The following MED27 variants were observed in gnomAD, a reference collection of about 807,000 sequenced individuals.
MED27 encodes mediator of RNA polymerase II transcription subunit 27.
MED27 carries 30 observed loss-of-function variants against 38.2 expected under a neutral mutation model. The observed-to-expected ratio is 0.79, with a 90% CI of 0.59 to 1.07. MED27 has a LOEUF of 1.07. MED27 is among the 50% of genes least tolerant of loss of function. MED27 has a pLI of 0.00. For synonymous variants in MED27, 122 were observed against 153.5 expected (o/e 0.79, Z 1.52); for missense variants, 289 against 397.5 (o/e 0.73, Z 2.32).
At chr9:132,042,297 C>CAT (rs1335738199) in intron 2 of MED27, among the ~76,000 whole-genome samples, 1 of 152,234 alleles carries the variant, frequency 6.6e-6, no homozygotes, top group African/African-American at 2.4e-5. Context: ...TTCACTGAAA[C>CAT]AGTCTCATGG....
intron 4 of MED27, among the ~76,000 whole-genome samples, chr9:131,903,999 A>G (rs1429002145): frequency 6.6e-6 from 1 of 151,680 alleles, no homozygotes; most frequent in Admixed American, 6.6e-5. Flanking sequence ...CCCGGGTTCA[A>G]GTGATTCTCC....
chr9:131,910,191 C>T (rs1564279927), intron 4 of MED27, among the ~76,000 whole-genome samples: 1 of 152,156 alleles, frequency 6.6e-6, no homozygotes, highest in African/African-American at 2.4e-5. Flanking sequence ...ACCACCTCTA[C>T]CCCTATATTT....
At chr9:131,939,828 G>GCT (rs1291312806) in intron 3 of MED27, among the ~76,000 whole-genome samples, 1 of 151,962 alleles carries the variant, frequency 6.6e-6, no homozygotes, top group East Asian at 1.9e-4. Flanking sequence ...GCACCTCCGG[G>GCT]CTGTCTCACT....
intron 4 of MED27, among the ~76,000 whole-genome samples, chr9:131,923,615 T>C (rs571699530): frequency 4.1e-4 from 62 of 152,318 alleles, no homozygotes; most frequent in African/African-American, 1.4e-3. Context: ...ATTTACTTTT[T>C]CAAGTATGTG....
intron 4 of MED27, among the ~76,000 whole-genome samples, chr9:131,912,072 T>C (rs909658434): frequency 6.6e-6 from 1 of 152,210 alleles, no homozygotes; most frequent in African/African-American, 2.4e-5. Flanking sequence ...CCCGAGGAAC[T>C]GAGACTCTAT....
chr9:131,948,606 C>T (rs1830929936), intron 3 of MED27, among the ~76,000 whole-genome samples: 2 of 152,014 alleles, frequency 1.3e-5, no homozygotes, highest in South Asian at 4.1e-4. Context: ...CAGAAATAAA[C>T]ACACACTAGC....
intron 2 of MED27, among the ~76,000 whole-genome samples, chr9:132,040,977 AG>A (rs1434363498): frequency 6.6e-6 from 1 of 152,234 alleles, no homozygotes; most frequent in Non-Finnish European, 1.5e-5. Context: ...ACCACTCCAG[AG>A]GCAAGGCGTA....
chr9:131,873,461 T>C (rs1589173597), intron 6 of MED27, among the ~76,000 whole-genome samples: 1 of 152,206 alleles, frequency 6.6e-6, no homozygotes, highest in East Asian at 1.9e-4. Context: ...GCAGGGGATT[T>C]ATTTTTTATT....
chr9:131,911,433 C>T (rs138856851), intron 4 of MED27, among the ~76,000 whole-genome samples: 21 of 152,302 alleles, frequency 1.4e-4, no homozygotes, highest in African/African-American at 4.6e-4. Context: ...TAGCAGACAT[C>T]ACCCCTTACA....
At chr9:132,006,521 G>A (rs1012434479) in intron 3 of MED27, among the ~76,000 whole-genome samples, 8 of 152,004 alleles carry the variant, frequency 5.3e-5, no homozygotes, top group Non-Finnish European at 1.0e-4. Flanking sequence ...ACAAACCCCA[G>A]GTAATCAAGA....
At chr9:131,988,258 TA>T (rs1831896053) in intron 3 of MED27, among the ~76,000 whole-genome samples, 1 of 152,240 alleles carries the variant, frequency 6.6e-6, no homozygotes, top group African/African-American at 2.4e-5. Context: ...GAATAGTTAT[TA>T]ATGTATCAGT....
rs1240382238 is a variant in MED27, at chr9:131,872,033, C to T, written c.724-8893G>A. Among the ~76,000 whole-genome samples the T allele has an allele frequency of 6.6e-6, 1 of 152,210 alleles. No homozygotes were observed. Among genetic ancestry groups the T allele is most frequent in the Non-Finnish European group, 1.5e-5 (1 of 68,040 alleles). ...GCATCATCTGGCCCCAGGGGGCATG[C>T]TCCTGGGCCGGAGTGGAGGCTGGCG... On this transcript the variant is annotated intron_variant, in intron 6 of 7. Transcript: ENST00000292035. The surrounding 1 kb of genome is among the most constrained non-coding windows in gnomAD (Gnocchi z 5.6).
intron 3 of MED27, among the ~76,000 whole-genome samples, chr9:131,967,485 CTT>C (rs560957988): frequency 9.9e-5 from 14 of 141,274 alleles, no homozygotes; most frequent in Non-Finnish European, 1.1e-4. Context: ...TCTCATGAAT[CTT>C]TTTTTTTTTT....
At chr9:131,989,549 C>A (rs1031742546) in intron 3 of MED27, among the ~76,000 whole-genome samples, 1 of 152,110 alleles carries the variant, frequency 6.6e-6, no homozygotes, top group Non-Finnish European at 1.5e-5. Flanking sequence ...TTAAAAAACA[C>A]ATAAAACAGT....
At chr9:131,925,020 A>G (rs1409781572) in intron 4 of MED27, among the ~76,000 whole-genome samples, 1 of 152,174 alleles carries the variant, frequency 6.6e-6, no homozygotes, top group Non-Finnish European at 1.5e-5. Flanking sequence ...CGCTTACCCA[A>G]TAGATGACAG....
At chr9:132,004,661 C>A (rs1207932197) in intron 3 of MED27, among the ~76,000 whole-genome samples, 4 of 152,186 alleles carry the variant, frequency 2.6e-5, no homozygotes, top group Non-Finnish European at 4.4e-5. Flanking sequence ...GACAGACCTG[C>A]AGCTACAGAG....
chr9:131,884,094 A>T lies in MED27; in HGVS notation c.687T>A (p.Asp229Glu). 6.2e-7 allele frequency: 1 copy of T among 1,609,278 alleles called. No individual in the cohort carries two copies. Among genetic ancestry groups the T allele is most frequent in the Non-Finnish European group, 8.5e-7 (1 of 1,178,188 alleles). ...ENVYTEDGKL[D>E]IWSKSNYQVF... is the part of the protein sequence containing the mutation. ...CTTGATAGTTGGATTTGGACCATAT[A>T]TCAAGCTGAGGGGAAAGGAGAGAAG... The change falls in exon 6 of 8, where the codon GAT becomes GAA. Residue 229 changes from aspartate to glutamate, a missense_variant. Transcript: ENST00000292035.
chr9:132,027,403 T>G (rs1447906820), intron 2 of MED27, among the ~76,000 whole-genome samples: 1 of 152,224 alleles, frequency 6.6e-6, no homozygotes, highest in South Asian at 2.1e-4. Context: ...GGGCTGCTTC[T>G]TCCAACTCCA....
At chr9:131,941,953 G>A (rs1830794805) in intron 3 of MED27, among the ~76,000 whole-genome samples, 1 of 148,408 alleles carries the variant, frequency 6.7e-6, no homozygotes, top group African/African-American at 2.5e-5. Flanking sequence ...AGCCTCCCAA[G>A]TAGCTGGGAC....
Sources: allele counts gnomAD v4.1 joint callset (sites outside exome capture counted in the v4.1 genomes callset), GRCh38; gene constraint gnomAD v4.1.1; non-coding constraint Gnocchi (gnomAD v3.1); transcripts MANE v1.5; gene names NCBI Gene and HGNC (gene_info 2026-07-23, HGNC 2026-07-21).